DMTF1: variants seen among roughly 807,000 people sequenced by gnomAD.
DMTF1 encodes the protein cyclin-D-binding Myb-like transcription factor 1.
Under a neutral mutation model 91.1 loss-of-function variants are expected in DMTF1, and 39 were observed. That is an observed-to-expected ratio of 0.43 (90% CI 0.33 to 0.56). The LOEUF (loss-of-function observed/expected upper bound fraction) is 0.56. DMTF1 is among the 20% of genes least tolerant of loss of function. The probability of loss-of-function intolerance (pLI) is 0.05; values close to 1 mark genes in which losing one functional copy is unlikely to be tolerated. For synonymous variants in DMTF1, 338 were observed against 309.5 expected (o/e 1.09, Z -0.97); for missense variants, 750 against 914.5 (o/e 0.82, Z 2.32).
intron 6 of DMTF1, among the ~76,000 whole-genome samples, chr7:87,174,249 T>G (rs1183986084): frequency 6.6e-6 from 1 of 152,238 alleles, no homozygotes; most frequent in Non-Finnish European, 1.5e-5. Flanking sequence ...AAATTTTCAC[T>G]GGAGAAATTT....
intron 13 of DMTF1, 21 bp from the exon 14 acceptor site, chr7:87,190,924 C>T (rs1183801838): frequency 1.9e-6 from 3 of 1,591,216 alleles, no homozygotes; most frequent in Non-Finnish European, 2.6e-6. Flanking sequence ...CTTACCACAG[C>T]TTACCTTATT....
chr7:87,178,512 C>T (rs1449050758), intron 7 of DMTF1, among the ~76,000 whole-genome samples: 1 of 151,736 alleles, frequency 6.6e-6, no homozygotes, highest in Non-Finnish European at 1.5e-5. Context: ...ACATTTTTTT[C>T]CATAAATTTG....
rs77373124 is a variant in DMTF1, at chr7:87,191,814, C to A, written c.1494+787C>A. On this transcript the variant is annotated intron_variant, in intron 14 of 17. Coordinates refer to ENST00000331242, the MANE Select transcript of DMTF1 (RefSeq NM_001142327.2). ...AGTGGAGCATGACTGAATGCCCTTT[C>A]TAAAACAAGTAAACCTATAATTCAT... 2.8e-3 allele frequency among the ~76,000 whole-genome samples: 433 copies of A among 152,074 alleles called. 4 individuals are homozygous for A. Among genetic ancestry groups the A allele is most frequent in the Non-Finnish European group, 4.7e-3 (318 of 67,924 alleles).
At chr7:87,189,858 G>A (rs1173913952) in intron 13 of DMTF1, among the ~76,000 whole-genome samples, 2 of 152,056 alleles carry the variant, frequency 1.3e-5, no homozygotes, top group African/African-American at 2.4e-5. Context: ...TGCTAACCTT[G>A]ATTTAGTTTT....
At chr7:87,189,974 T>G (rs1469136955) in intron 13 of DMTF1, among the ~76,000 whole-genome samples, 2 of 152,216 alleles carry the variant, frequency 1.3e-5, no homozygotes, top group African/African-American at 4.8e-5. Context: ...GGCATTAGAT[T>G]CCTTTTAAAT....
chr7:87,158,052 T>C (rs1479377588), intron 1 of DMTF1, among the ~76,000 whole-genome samples: 1 of 152,086 alleles, frequency 6.6e-6, no homozygotes, highest in African/African-American at 2.4e-5. Context: ...TAAATAACAA[T>C]CTAAGTAGTC....
chr7:87,189,764 T>C (rs1311436406), intron 13 of DMTF1, among the ~76,000 whole-genome samples: 1 of 152,106 alleles, frequency 6.6e-6, no homozygotes, highest in African/African-American at 2.4e-5. Flanking sequence ...TTCTGAGGGA[T>C]AGTCTTTGTT....
intron 1 of DMTF1, among the ~76,000 whole-genome samples, chr7:87,160,527 G>A (rs6465094): frequency 0.47 from 70,758 of 151,382 alleles, 20,141 homozygotes; most frequent in Non-Finnish European, 0.63. Context: ...TTCCTGCCTC[G>A]GCCTCCCAAA....
intron 1 of DMTF1, among the ~76,000 whole-genome samples, chr7:87,159,697 C>G (rs73206916): frequency 0.045 from 6,924 of 152,236 alleles, 189 homozygotes; most frequent in Middle Eastern, 0.071. Flanking sequence ...AGCTGATGTG[C>G]AGTCATGTGT....
chr7:87,174,867 A>T (rs1040217814), intron 7 of DMTF1, among the ~76,000 whole-genome samples, 198 bp downstream of exon 7: 1 of 152,210 alleles, frequency 6.6e-6, no homozygotes, highest in African/African-American at 2.4e-5. Flanking sequence ...TCAGTTTAAA[A>T]TAGCTTTACT....
intron 14 of DMTF1, among the ~76,000 whole-genome samples, chr7:87,191,502 T>C (rs1212165590): frequency 1.3e-5 from 2 of 152,110 alleles, no homozygotes; most frequent in Non-Finnish European, 1.5e-5. Context: ...AAAATATCTG[T>C]CCAATAAAAA....
intron 6 of DMTF1, 33 bp downstream of exon 6, chr7:87,173,682 G>GAAAAAAA: frequency 1.4e-6 from 2 of 1,409,296 alleles, no homozygotes; most frequent in Non-Finnish European, 2.0e-6. Flanking sequence ...AGTGCCTAGT[G>GAAAAAAA]AAAAAAAATG....
intron 4 of DMTF1, among the ~76,000 whole-genome samples, chr7:87,170,302 GTT>G (rs1353234465): frequency 6.6e-6 from 1 of 152,114 alleles, no homozygotes; most frequent in Non-Finnish European, 1.5e-5. Context: ...CCTTCAGACT[GTT>G]TTTCTTATAG....
intron 4 of DMTF1, among the ~76,000 whole-genome samples, chr7:87,169,463 T>A (rs1415313816): frequency 6.6e-6 from 1 of 152,106 alleles, no homozygotes; most frequent in Admixed American, 6.5e-5. Flanking sequence ...GTCAAAAAAA[T>A]AAATAAAAAG....
intron 7 of DMTF1, among the ~76,000 whole-genome samples, chr7:87,177,576 A>T (rs1796509480): frequency 6.6e-6 from 1 of 152,114 alleles, no homozygotes; most frequent in Non-Finnish European, 1.5e-5. Context: ...GTGTCATTTG[A>T]TGAGAAAAGA....
intron 1 of DMTF1, among the ~76,000 whole-genome samples, chr7:87,161,389 C>A (rs1035123277): frequency 1.3e-5 from 2 of 152,168 alleles, no homozygotes; most frequent in Non-Finnish European, 2.9e-5. Context: ...GTAGTCCCAG[C>A]TACTCAGGAG....
chr7:87,193,606 A>G (rs866192435), intron 15 of DMTF1, 119 bp from the exon 16 acceptor site: 1 of 1,061,548 alleles, frequency 9.4e-7, no homozygotes, highest in Middle Eastern at 3.1e-4. Context: ...AGGGTTCTAG[A>G]AAAATAGTGA....
Position 87,185,817 on chromosome 7 carries a change from T to C in DMTF1, c.1050-12T>C. The stretch of plus-strand genomic sequence containing the variant: ...AATTTAATGTCTAACGATGCTTATT[T>C]TGTAACTGTAGGATAGCAGAACTTG... On this transcript the variant is annotated splice_polypyrimidine_tract_variant and intron_variant, in intron 11 of 17. Coordinates refer to ENST00000331242, the MANE Select transcript of DMTF1 (RefSeq NM_001142327.2). The C allele has an allele frequency of 6.2e-7, 1 of 1,613,602 alleles. No individual in the cohort carries two copies.
At chr7:87,161,025 C>T (rs1238665133) in intron 1 of DMTF1, among the ~76,000 whole-genome samples, 1 of 151,894 alleles carries the variant, frequency 6.6e-6, no homozygotes, top group Non-Finnish European at 1.5e-5. Context: ...CATTTAGATA[C>T]CTTATATCTT....
Sources: gnomAD v4.1 joint callset for allele counts (sites outside exome capture counted in the v4.1 genomes callset) on GRCh38, gnomAD v4.1.1 for gene constraint, MANE v1.5 for transcripts, NCBI Gene and HGNC (gene_info 2026-07-23, HGNC 2026-07-21) for gene names.